PAK3: variants seen among roughly 807,000 people sequenced by gnomAD.
PAK3 encodes the protein serine/threonine-protein kinase PAK 3.
PAK3 carries 4 observed loss-of-function variants against 41.0 expected under a neutral mutation model. The observed-to-expected ratio is 0.10, with a 90% CI of 0.05 to 0.22. The LOEUF (loss-of-function observed/expected upper bound fraction) is 0.22, where lower values mean the gene tolerates loss of function less well. Ranked by LOEUF, PAK3 falls within the 10% of genes least tolerant of loss-of-function variation. The probability of loss-of-function intolerance (pLI) is 1.00; values close to 1 mark genes in which losing one functional copy is unlikely to be tolerated. For missense variants in PAK3, 205 were observed against 409.9 expected (o/e 0.50, Z 4.32); for synonymous variants, 146 against 139.6 (o/e 1.05, Z -0.32).
intron 1 of PAK3, among the ~76,000 whole-genome samples, chrX:110,971,712 T>C (rs2091210991): frequency 8.9e-6 from 1 of 112,251 alleles, no homozygotes; most frequent in Admixed American, 9.4e-5. Context: ...TTTCTTTTCT[T>C]GACTATGCTG....
chrX:111,176,397 A>G lies in PAK3; in HGVS notation c.830+3316A>G, dbSNP rs144160226. ...AATAGCCAATGCATGCGGGGCTTAA[A>G]ACCTAGATGATGAGTTCATAGGTGC... is the stretch of plus-strand genomic sequence containing the variant. On this transcript the variant is annotated intron_variant, in intron 11 of 17. Transcript: ENST00000372007. 8.0e-4 allele frequency among the ~76,000 whole-genome samples: 88 copies of G among 110,615 alleles called. 1 individual carries two copies. In the East Asian group the frequency reaches 0.025, roughly 31 times the overall value.
At chrX:111,150,691 C>T (rs1233566383) in intron 7 of PAK3, among the ~76,000 whole-genome samples, 1 of 111,708 alleles carries the variant, frequency 9.0e-6, no homozygotes, top group Admixed American at 9.5e-5. Flanking sequence ...GTCCCTCCCA[C>T]AGCACGTGGG....
At chrX:110,996,686 C>T (rs1357263762) in intron 1 of PAK3, among the ~76,000 whole-genome samples, 1 of 111,424 alleles carries the variant, frequency 9.0e-6, no homozygotes, top group African/African-American at 3.3e-5. Context: ...ACCCAACATG[C>T]ACAAAGAAGT....
chrX:111,063,342 G>T (rs2092673790), intron 1 of PAK3, among the ~76,000 whole-genome samples: 1 of 112,116 alleles, frequency 8.9e-6, no homozygotes, highest in Middle Eastern at 4.2e-3. Context: ...TTAGCAAAGA[G>T]TCTAGCAATT....
intron 1 of PAK3, among the ~76,000 whole-genome samples, chrX:111,036,882 C>A (rs1395600324): frequency 8.9e-6 from 1 of 111,941 alleles, no homozygotes; most frequent in Admixed American, 9.5e-5. Flanking sequence ...TAGCAATTTA[C>A]AATTCCTCCT....
intron 1 of PAK3, among the ~76,000 whole-genome samples, chrX:110,946,097 A>G (rs1569494641): frequency 9.0e-6 from 1 of 111,517 alleles, no homozygotes; most frequent in Non-Finnish European, 1.9e-5. Context: ...GTGGGAGCCC[A>G]AGGGAGGTAT....
At chrX:110,967,900 T>C (rs2091114863) in intron 1 of PAK3, among the ~76,000 whole-genome samples, 1 of 111,832 alleles carries the variant, frequency 8.9e-6, no homozygotes, top group Non-Finnish European at 1.9e-5. Flanking sequence ...TGTGGGTTTG[T>C]GTGTCCAACA....
intron 1 of PAK3, among the ~76,000 whole-genome samples, chrX:110,957,502 C>A (rs1381300918): frequency 1.8e-5 from 2 of 112,120 alleles, no homozygotes; most frequent in African/African-American, 3.2e-5. Context: ...AGAAGGGTTG[C>A]ATGACCCAAG....
chrX:111,025,872 T>C (rs1218262814), intron 1 of PAK3, among the ~76,000 whole-genome samples: 1 of 105,448 alleles, frequency 9.5e-6, no homozygotes, highest in African/African-American at 3.5e-5. Flanking sequence ...CAGACCAATA[T>C]CCCGAAAGTA....
intron 1 of PAK3, among the ~76,000 whole-genome samples, chrX:111,080,117 C>A (rs1305887758): frequency 8.9e-6 from 1 of 112,378 alleles, no homozygotes; most frequent in African/African-American, 3.2e-5. Flanking sequence ...ATTACATGAA[C>A]TTAGTTGATA....
chrX:111,162,977 G>GGAAGAA lies in PAK3; in HGVS notation c.543_548dup (p.Glu181_Glu182dup). ...CTGTGTCTGAAGAAGAAGATGAAGA[G>GGAAGAA]GAAGAAGAAGAAGAAGATGAAAATG... On this transcript the variant is annotated inframe_insertion, in exon 9 of 18. Transcript: ENST00000372007. 14 of 1,203,484 alleles carry GGAAGAA rather than the reference G, an allele frequency of 1.2e-5. No homozygotes were observed. Among genetic ancestry groups the GGAAGAA allele is most frequent in the South Asian group, 1.8e-5 (1 of 56,769 alleles).
intron 1 of PAK3, among the ~76,000 whole-genome samples, chrX:110,996,040 G>C (rs2210994): frequency 1.3e-3 from 150 of 111,683 alleles, no homozygotes; most frequent in African/African-American, 4.8e-3. Context: ...TCTCAGGCTT[G>C]CTTCAAATTG....
chrX:111,010,512 G>A (rs1035982630), intron 1 of PAK3, among the ~76,000 whole-genome samples: 4 of 111,734 alleles, frequency 3.6e-5, no homozygotes, highest in African/African-American at 1.3e-4. Flanking sequence ...GAGGTGATTG[G>A]ATCACTGGGG....
chrX:111,055,939 T>C (rs2092601697), intron 1 of PAK3, among the ~76,000 whole-genome samples: 1 of 111,396 alleles, frequency 9.0e-6, no homozygotes, highest in African/African-American at 3.3e-5. Flanking sequence ...TCCCTTTCCC[T>C]CCTCTTCCCT....
intron 1 of PAK3, among the ~76,000 whole-genome samples, chrX:110,999,958 A>T (rs1602715889): frequency 9.0e-6 from 1 of 111,179 alleles, no homozygotes; most frequent in South Asian, 3.8e-4. Context: ...ACAGAGTGAG[A>T]CTCTGTCTCA....
chrX:111,193,631 T>C (rs1251108255), intron 13 of PAK3, among the ~76,000 whole-genome samples: 1 of 111,164 alleles, frequency 9.0e-6, no homozygotes, highest in Non-Finnish European at 1.9e-5. Flanking sequence ...ATTACAGGCG[T>C]GAGCCACTCC....
chrX:111,061,319 A>G (rs1404701220), intron 1 of PAK3, among the ~76,000 whole-genome samples: 1 of 111,958 alleles, frequency 8.9e-6, no homozygotes, highest in African/African-American at 3.2e-5. Context: ...CCATATATAC[A>G]TGAATCAGTA....
intron 1 of PAK3, among the ~76,000 whole-genome samples, chrX:110,979,296 C>CTTTTTTTTTTTT (rs869275249): frequency 1.1e-4 from 1 of 9,054 alleles, no homozygotes; most frequent in African/African-American, 1.7e-4. Context: ...TATTACTTTT[C>CTTTTTTTTTTTT]TTTTTTTTTT....
intron 1 of PAK3, among the ~76,000 whole-genome samples, chrX:111,041,043 C>G (rs897523058): frequency 1.8e-5 from 2 of 112,604 alleles, no homozygotes; most frequent in Non-Finnish European, 3.8e-5. Context: ...CTCCTTTCTT[C>G]CAGCCCCCAT....
Sources: allele counts gnomAD v4.1 joint callset (sites outside exome capture counted in the v4.1 genomes callset), GRCh38; gene constraint gnomAD v4.1.1; transcripts MANE v1.5; gene names NCBI Gene and HGNC (gene_info 2026-07-23, HGNC 2026-07-21).